MUC3A: variants seen among roughly 807,000 people sequenced by gnomAD.
The protein encoded by MUC3A is mucin 3A, cell surface associated, also known as mucin-3A.
A neutral mutation model predicts 109.0 loss-of-function variants in MUC3A; 109 were observed. That is an observed-to-expected ratio of 1.00 (90% CI 0.86 to 1.17). The LOEUF (loss-of-function observed/expected upper bound fraction) is 1.17, where lower values mean the gene tolerates loss of function less well. Among genes scored for constraint, MUC3A ranks in the 50% most tolerant of loss-of-function variants. The pLI, the probability that MUC3A is intolerant of heterozygous loss-of-function variation, is 0.00. For synonymous variants in MUC3A, 1,398 were observed against 981.4 expected (o/e 1.42, Z -7.93); for missense variants, 3,537 against 2,469.4 (o/e 1.43, Z -9.16).
At chr7:100,966,580 G>T in intron 9 of MUC3A, 21 bp downstream of exon 9, 5 of 1,573,158 alleles carry the variant, frequency 3.2e-6, no homozygotes, top group Non-Finnish European at 4.3e-6. Flanking sequence ...GGGGGGCGGG[G>T]CCGGGGGGCG....
Position 100,960,218 on chromosome 7 carries a change from C to T in MUC3A, c.8439C>T (p.Val2813=). Residue 2813 remains valine, a synonymous_variant, in exon 2 of 12, where the codon GTC becomes GTT. Coordinates refer to ENST00000379458, the MANE Select transcript of MUC3A (RefSeq NM_005960.2). ...LTVFPFTTEM[V]TCPTSISIQT... ...TCTTTCCCTTTACTACCGAAATGGT[C>T]ACCTGTCCTACCTCCATCAGTATCC... 2 of 1,596,458 alleles carry T rather than the reference C, an allele frequency of 1.3e-6. No homozygotes were observed. The highest frequency in any genetic ancestry group is 8.5e-7 in the Non-Finnish European group (1 of 1,178,188).
Position 100,960,393 on chromosome 7 carries a change from T to C in MUC3A, c.8614T>C (p.Trp2872Arg). 6.3e-7 allele frequency: 1 copy of C among 1,598,540 alleles called. No individual in the cohort carries two copies. Among genetic ancestry groups the C allele is most frequent in the Middle Eastern group, 1.7e-4 (1 of 6,060 alleles). The change falls in exon 2 of 12, where the codon TGG becomes CGG. Residue 2872 changes from tryptophan to arginine, a missense_variant. Transcript: ENST00000379458. ...TSTRLPTSETWLSNSSVIPLP... is the reference protein window; with the variant it reads ...TSTRLPTSETRLSNSSVIPLP... Reference sequence around the variant, plus strand: ...TACTCGACTGCCCACCAGTGAGACCTGGCTGAGCAACAGTTCTGTGATCCC... The same window carrying C: ...TACTCGACTGCCCACCAGTGAGACCCGGCTGAGCAACAGTTCTGTGATCCC...
intron 3 of MUC3A, 30 bp from the exon 4 acceptor site, chr7:100,963,121 A>G (rs1177772194): frequency 5.6e-6 from 9 of 1,593,084 alleles, no homozygotes; most frequent in Middle Eastern, 1.7e-4. Flanking sequence ...CAGACAGAGA[A>G]GTGACTGGGG....
Position 100,953,765 on chromosome 7 carries a change from AC to A in MUC3A, c.1987del (p.Leu663Ter). The A allele has an allele frequency of 2.3e-6, 1 of 435,550 alleles. No homozygotes were observed. 27.0% of individuals were successfully genotyped at this position (435,550 alleles called of 1,614,324 possible). A position where few individuals can be genotyped will look rare whatever the true frequency, so the allele number is the denominator to read the frequency against. On this transcript the variant is annotated frameshift_variant, in exon 2 of 12. Transcript: ENST00000379458. LOFTEE classifies it high-confidence loss of function. Reference sequence around the variant, plus strand: ...CCACAACCACCAATTCTTTTACATCACTGACCAGTATGCCTCTGTCTTCTAC... The same window carrying A: ...CCACAACCACCAATTCTTTTACATCATGACCAGTATGCCTCTGTCTTCTAC... ...PPTTTNSFTS[L>X]TSMPLSSTPV...
rs757555172 is a variant in MUC3A, at chr7:100,966,583, G to A, written c.9785+24G>A. Reference sequence around the variant, plus strand: ...CGGTGAGCGTGCGGGGGGCGGGGCCGGGGGGCGAGGGCAGCCAAGGGGTCC... The same window carrying A: ...CGGTGAGCGTGCGGGGGGCGGGGCCAGGGGGCGAGGGCAGCCAAGGGGTCC... On this transcript the variant is annotated intron_variant, in intron 9 of 11. Transcript: ENST00000379458. 2.6e-6 allele frequency: 4 copies of A among 1,552,556 alleles called. No individual in the cohort carries two copies. In the South Asian group the frequency reaches 3.4e-5, roughly 13 times the overall value.
At position 100,954,622 on chromosome 7, in the gene MUC3A, C is replaced by T. The variant is rs1792053696; in HGVS notation, c.2843C>T (p.Thr948Ile). 2.5e-6 allele frequency: 1 copy of T among 400,252 alleles called. No individual in the cohort carries two copies. Among genetic ancestry groups the T allele is most frequent in the Non-Finnish European group, 4.4e-6 (1 of 227,260 alleles). The allele number at this position is 400,252 out of a possible 1,614,324, so 24.8% of individuals were successfully genotyped here. The change falls in exon 2 of 12, where the codon ACT (threonine) becomes ATT (isoleucine). Residue 948 changes from threonine (T) to isoleucine (I), a missense_variant. Transcript: ENST00000379458. ...ACAGTTGAATCCACCCCATCACCCA[C>T]TACCACCACCTCATTTACCACATCC... ...HTTVESTPSP[T>I]TTTSFTTSTM...
chr7:100,957,890 C>A lies in MUC3A; in HGVS notation c.6111C>A (p.Ser2037=), dbSNP rs1275345122. The stretch of plus-strand genomic sequence containing the variant: ...CGATCACAACCACCGAGACCACATC[C>A]CATAGTACTCCCAGCTTCACTTCTT... ...TSSITTTETT[S]HSTPSFTSSI... Residue 2037 remains serine, a synonymous_variant, in exon 2 of 12, where the codon TCC becomes TCA. Transcript: ENST00000379458. 3.0e-4 allele frequency: 62 copies of A among 205,006 alleles called. No homozygotes were observed. The highest frequency in any genetic ancestry group is 5.3e-4 in the African/African-American group (3 of 5,690). 12.7% of individuals were successfully genotyped at this position (205,006 alleles called of 1,614,324 possible). A position where few individuals can be genotyped will look rare whatever the true frequency, so the allele number is the denominator to read the frequency against.
intron 5 of MUC3A, chr7:100,964,147 G>A: frequency 2.8e-6 from 1 of 358,760 alleles, no homozygotes; most frequent in East Asian, 6.3e-5. Flanking sequence ...AACAAGAAGA[G>A]AACGTCAGGC....
In MUC3A at chr7:100,965,481, C is replaced by A. The variant is rs1446889077; in HGVS notation, c.9448+134C>A. 9.5e-6 allele frequency: 14 copies of A among 1,471,676 alleles called. No homozygotes were observed. The African/African-American group carries it at 1.8e-4, about 19-fold the overall frequency. 91.2% of individuals were successfully genotyped at this position (1,471,676 alleles called of 1,614,324 possible). ...AGTCATGTGGCCCAGGGCGGCCCTTCCTGGCGCTGGTTAGTGGCTTCCACC... is the reference window on the plus strand; with the variant it reads ...AGTCATGTGGCCCAGGGCGGCCCTTACTGGCGCTGGTTAGTGGCTTCCACC... On this transcript the variant is annotated intron_variant, in intron 7 of 11. Transcript: ENST00000379458.
rs62483693 is a variant in MUC3A, at chr7:100,958,862, G to C, written c.7083G>C (p.Ser2361=). 2 of 1,154,682 alleles carry C rather than the reference G, an allele frequency of 1.7e-6. No individual in the cohort carries two copies. Among genetic ancestry groups the C allele is most frequent in the African/African-American group, 3.6e-5 (1 of 27,962 alleles). 71.5% of individuals were successfully genotyped at this position (1,154,682 alleles called of 1,614,324 possible). The part of the protein sequence containing the change: ...NSHSTTSFTS[S]ITTTETTSHS... ...ACAGTACTACCAGCTTCACTTCTTC[G>C]ATCACCACCACCGAGACCACCTCAC... The change falls in exon 2 of 12, where the codon TCG becomes TCC. Residue 2361 remains serine (S), a synonymous_variant. Coordinates refer to ENST00000379458, the MANE Select transcript of MUC3A (RefSeq NM_005960.2).
intron 1 of MUC3A, among the ~76,000 whole-genome samples, chr7:100,950,562 G>T: frequency 6.6e-6 from 1 of 152,426 alleles, no homozygotes; most frequent in Middle Eastern, 3.4e-3. Context: ...AGGTTGAGAC[G>T]TGACACCCCA....
rs2116168368 is a variant in MUC3A at position 100,954,559 on chromosome 7, T to A, written c.2780T>A (p.Ile927Asn). The A allele has an allele frequency of 7.5e-6, 3 of 400,412 alleles. No homozygotes were observed. In the East Asian group the frequency reaches 1.1e-4, roughly 14 times the overall value. 24.8% of individuals were successfully genotyped at this position (400,412 alleles called of 1,614,324 possible). A position where few individuals can be genotyped will look rare whatever the true frequency, so the allele number is the denominator to read the frequency against. The part of the protein sequence containing the change: ...SSAGTTHTES[I>N]SSPRGTTSTL... ...GCTGGGACCACTCACACAGAGAGTA[T>A]CTCCTCACCTCGAGGCACCACCAGT... The change falls in exon 2 of 12, where the codon ATC becomes AAC. Residue 927 changes from isoleucine to asparagine, a missense_variant. Ile to Asn is a moderately radical substitution (Grantham distance 149). Transcript: ENST00000379458.
intron 6 of MUC3A, 29 bp downstream of exon 6, chr7:100,964,872 G>T (rs1368064661): frequency 6.3e-7 from 1 of 1,579,884 alleles, no homozygotes. Flanking sequence ...GAGGGGCCAG[G>T]GCCTGAGGTG....
Position 100,955,503 on chromosome 7 carries a change from A to G in MUC3A, c.3724A>G (p.Ser1242Gly). ...CACAAGTGTCATTCCATCTTCCCCC[A>G]GCATCCAGAATACAGAAACCTCATC... The part of the protein sequence containing the change: ...MSTSVIPSSP[S>G]IQNTETSSLV... Residue 1242 changes from serine to glycine, a missense_variant, in exon 2 of 12, where the codon AGC (serine) becomes GGC (glycine). By Grantham distance (56) the Ser-to-Gly change is moderately conservative. Coordinates refer to ENST00000379458, the MANE Select transcript of MUC3A (RefSeq NM_005960.2). 1.9e-6 allele frequency: 1 copy of G among 531,436 alleles called. No individual in the cohort carries two copies. The allele number at this position is 531,436 out of a possible 1,614,324, so 32.9% of individuals were successfully genotyped here. A position where few individuals can be genotyped will look rare whatever the true frequency, so the allele number is the denominator to read the frequency against.
In MUC3A at chr7:100,953,197, C is replaced by T. The variant is rs977425984; in HGVS notation, c.1418C>T (p.Thr473Met). The stretch of plus-strand genomic sequence containing the variant: ...GCAACAGACCTCACATCAACATTCA[C>T]GGTTTCCAGTTCCTCAGCAATGTCC... ...TTATDLTSTF[T>M]VSSSSAMSTS... is the part of the protein sequence containing the mutation. The change falls in exon 2 of 12, where the codon ACG becomes ATG. Residue 473 changes from threonine (T) to methionine (M), a missense_variant. Physicochemically the swap from Thr to Met is moderately conservative, Grantham distance 81. Coordinates refer to ENST00000379458, the MANE Select transcript of MUC3A (RefSeq NM_005960.2). 23 of 599,376 alleles carry T rather than the reference C, an allele frequency of 3.8e-5. No homozygotes were observed. Among genetic ancestry groups the T allele is most frequent in the South Asian group, 2.5e-4 (12 of 48,316 alleles). The allele number at this position is 599,376 out of a possible 1,614,324, so 37.1% of individuals were successfully genotyped here.
chr7:100,963,153 G>A lies in MUC3A; in HGVS notation c.9055G>A (p.Val3019Ile), dbSNP rs1346525100. ...GGGGACATGCATGCTCTGTGTAGAT[G>A]TAGTGGAGACCGAGGTGGGCATGGA... is the stretch of plus-strand genomic sequence containing the variant. ...EFAVEQVDLD[V>I]VETEVGMEVS... Residue 3019 changes from valine (V) to isoleucine (I), a missense_variant and splice_region_variant, in exon 4 of 12, where the codon GTA (valine) becomes ATA (isoleucine). Physicochemically the swap from Val to Ile is conservative, Grantham distance 29. Coordinates refer to ENST00000379458, the MANE Select transcript of MUC3A (RefSeq NM_005960.2). 20 of 1,598,042 alleles carry A rather than the reference G, an allele frequency of 1.3e-5. No homozygotes were observed. The highest frequency in any genetic ancestry group is 1.7e-5 in the Admixed American group (1 of 59,962).
intron 1 of MUC3A, among the ~76,000 whole-genome samples, chr7:100,950,431 C>A (rs971999308): frequency 4.1e-5 from 1 of 24,668 alleles, no homozygotes; most frequent in African/African-American, 1.4e-4. Flanking sequence ...TCCCAGGCCA[C>A]CCAGCCTACA....
Position 100,967,220 on chromosome 7 carries a change from T to A in MUC3A, c.*58T>A. Reference sequence around the variant, plus strand: ...CCTGCCCCGGACACAAGGGTCTGCATTGCGTCCATTTCAAGAGGTGGCCCC... The same window carrying A: ...CCTGCCCCGGACACAAGGGTCTGCAATGCGTCCATTTCAAGAGGTGGCCCC... On this transcript the variant is annotated 3_prime_UTR_variant, in exon 12 of 12. Transcript: ENST00000379458. The A allele has an allele frequency of 6.3e-7, 1 of 1,595,004 alleles. No homozygotes were observed. Among genetic ancestry groups the A allele is most frequent in the East Asian group, 2.2e-5 (1 of 44,762 alleles).
In MUC3A at chr7:100,965,794, C is replaced by T. The variant is rs1177335359; in HGVS notation, c.9539C>T (p.Thr3180Met). ...ATRLRCVTKC[T>M]SGVDNAIDCH... ...CGGCTCCGCTGTGTCACCAAATGCA[C>T]GTCGGGGGTGGACAACGCCATCGAC... Residue 3180 changes from threonine to methionine, a missense_variant, in exon 8 of 12, where the codon ACG becomes ATG. By Grantham distance (81) the Thr-to-Met change is moderately conservative (BLOSUM62 -1). Coordinates refer to ENST00000379458, the MANE Select transcript of MUC3A (RefSeq NM_005960.2). The T allele has an allele frequency of 1.9e-6, 3 of 1,597,600 alleles. No individual in the cohort carries two copies. The highest frequency in any genetic ancestry group is 2.5e-6 in the Non-Finnish European group (3 of 1,179,048).
Sources: allele counts gnomAD v4.1 joint callset (sites outside exome capture counted in the v4.1 genomes callset), GRCh38; gene constraint gnomAD v4.1.1; transcripts MANE v1.5; gene names NCBI Gene and HGNC (gene_info 2026-07-23, HGNC 2026-07-21).